KLF7: variants seen among roughly 807,000 people sequenced by gnomAD.
KLF7 encodes the protein Krueppel-like factor 7.
In KLF7, 2 loss-of-function variants were observed where a neutral mutation model predicts 27.3. The observed-to-expected ratio is 0.07, with a 90% CI of 0.03 to 0.23. KLF7 has a LOEUF of 0.23. Ranked by LOEUF, KLF7 falls within the 10% of genes least tolerant of loss-of-function variation. The pLI is 1.00. For synonymous variants in KLF7, 165 were observed against 162.4 expected (o/e 1.02, Z -0.12); for missense variants, 221 against 394.1 (o/e 0.56, Z 3.72).
At chr2:207,087,001 G>A (rs1043282197) in intron 3 of KLF7, among the ~76,000 whole-genome samples, 12 of 152,214 alleles carry the variant, frequency 7.9e-5, no homozygotes, top group Non-Finnish European at 1.5e-4. Context: ...GAGGCACAAA[G>A]CAGAGAAACT....
chr2:207,162,288 C>T (rs1021406705), intron 1 of KLF7, among the ~76,000 whole-genome samples: 2 of 152,204 alleles, frequency 1.3e-5, no homozygotes, highest in African/African-American at 4.8e-5. Context: ...TGACCTTTTC[C>T]TACTTTTGCT....
In KLF7 at chr2:207,165,893, G is replaced by T; in HGVS notation, c.-325C>A. 8.7e-7 allele frequency: 1 copy of T among 1,152,380 alleles called. No homozygotes were observed. The highest frequency in any genetic ancestry group is 1.1e-6 in the Non-Finnish European group (1 of 931,842). The allele number at this position is 1,152,380 out of a possible 1,614,324, so 71.4% of individuals were successfully genotyped here. Reference sequence around the variant, plus strand: ...CTAATCACTCCAGCTCGTGGATCAGGAAGGGGGATGCAAACTCACTGACAC... The same window carrying T: ...CTAATCACTCCAGCTCGTGGATCAGTAAGGGGGATGCAAACTCACTGACAC... On this transcript the variant is annotated 5_prime_UTR_variant, in exon 1 of 4. Coordinates refer to ENST00000309446, the MANE Select transcript of KLF7 (RefSeq NM_003709.4).
chr2:207,088,544 C>G lies in KLF7; in HGVS notation c.771G>C (p.Glu257Asp). The G allele has an allele frequency of 6.2e-7, 1 of 1,614,126 alleles. No individual in the cohort carries two copies. The highest frequency in any genetic ancestry group is 1.6e-4 in the Middle Eastern group (1 of 6,062). Residue 257 changes from glutamate (E) to aspartate (D), a missense_variant, in exon 3 of 4, where the codon GAG becomes GAC. Transcript: ENST00000309446. Reference protein sequence around the residue: ...KPYKCSWEGCEWRFARSDELT... With the variant: ...KPYKCSWEGCDWRFARSDELT... ...GCTCATCGCTTCGTGCAAAACGCCA[C>G]TCACATCCCTCCCATGAGCACTTAT...
At chr2:207,169,224 T>A (rs907673380), upstream of KLF7, among the ~76,000 whole-genome samples, 6 of 152,156 alleles carry the variant, frequency 3.9e-5, no homozygotes, top group Non-Finnish European at 7.3e-5. Context: ...TTGGAAGTAA[T>A]CCTATAGAAA....
At chr2:207,085,912 C>G (rs2076376816) in intron 3 of KLF7, among the ~76,000 whole-genome samples, 1 of 144,294 alleles carries the variant, frequency 6.9e-6, no homozygotes, top group Non-Finnish European at 1.5e-5. Flanking sequence ...CCACTGTGGC[C>G]AGATCTGATT....
intron 1 of KLF7, among the ~76,000 whole-genome samples, chr2:207,130,108 T>C (rs980335750): frequency 6.6e-6 from 1 of 150,550 alleles, no homozygotes; most frequent in Admixed American, 6.7e-5. Flanking sequence ...TCACATTGAC[T>C]ATTTCCCCTA....
intron 1 of KLF7, among the ~76,000 whole-genome samples, chr2:207,147,867 G>C (rs952700991): frequency 6.6e-6 from 1 of 152,168 alleles, no homozygotes; most frequent in African/African-American, 2.4e-5. Context: ...TGTAACATCA[G>C]CCAGTTCTTG....
At position 207,074,932 on chromosome 2, in the gene KLF7, C is replaced by T. The variant is rs1355138410; in HGVS notation, c.*6281G>A. 6.6e-6 allele frequency: 1 copy of T among 152,192 alleles called. No homozygotes were observed. Among genetic ancestry groups the T allele is most frequent in the Non-Finnish European group, 1.5e-5 (1 of 68,038 alleles). 9.4% of individuals were successfully genotyped at this position (152,192 alleles called of 1,614,324 possible). On this transcript the variant is annotated 3_prime_UTR_variant, in exon 4 of 4. Transcript: ENST00000309446. ...TATAAAATACACACATACGCACACA[C>T]ACACACAACTTCCCAAACGAAGATA...
rs143817187 is a variant in KLF7 at position 207,135,894 on chromosome 2, G to A, written c.103-11490C>T. 6.5e-3 allele frequency among the ~76,000 whole-genome samples: 995 copies of A among 152,224 alleles called. 7 individuals carry two copies. Among genetic ancestry groups the A allele is most frequent in the Non-Finnish European group, 8.5e-3 (581 of 68,014 alleles). On this transcript the variant is annotated intron_variant, in intron 1 of 3. Transcript: ENST00000309446. ...AACAGAGAGGCCAATTTAGCTTCAC[G>A]GGGTAGCCCTGAGAGTATGCACCTG... is the stretch of plus-strand genomic sequence containing the variant.
rs1347643776 is a variant in KLF7, at chr2:207,088,481, G to A, written c.834C>T (p.Pro278=). 1 of 1,613,836 alleles carries A rather than the reference G, an allele frequency of 6.2e-7. No individual in the cohort carries two copies. Among genetic ancestry groups the A allele is most frequent in the Middle Eastern group, 1.7e-4 (1 of 6,058 alleles). The change falls in exon 3 of 4, where the codon CCC becomes CCT. Residue 278 remains proline, a synonymous_variant. Transcript: ENST00000309446. ...RHYRKHTGAK[P]FKCNHCDRCF... is the part of the protein sequence containing the mutation. ...ACCTGTCGCAGTGGTTGCATTTGAAGGGCTTTGCACCTGTGTGTTTCCTGT... is the reference window on the plus strand; with the variant it reads ...ACCTGTCGCAGTGGTTGCATTTGAAAGGCTTTGCACCTGTGTGTTTCCTGT...
At chr2:207,143,735 C>T (rs2078011456) in intron 1 of KLF7, among the ~76,000 whole-genome samples, 2 of 152,158 alleles carry the variant, frequency 1.3e-5, no homozygotes, top group African/African-American at 2.4e-5. Context: ...GCGCCTTCAG[C>T]GAGGGCTCCA....
chr2:207,136,679 T>G (rs2077798782), intron 1 of KLF7, among the ~76,000 whole-genome samples: 1 of 152,196 alleles, frequency 6.6e-6, no homozygotes, highest in African/African-American at 2.4e-5. Context: ...AGGGATTTAG[T>G]GTATGTACCA....
At chr2:207,118,270 TA>T (rs1285879202) in intron 2 of KLF7, among the ~76,000 whole-genome samples, 4 of 152,046 alleles carry the variant, frequency 2.6e-5, no homozygotes, top group Non-Finnish European at 5.9e-5. Flanking sequence ...ACACTAACAT[TA>T]AAAAAAGTGA....
intron 1 of KLF7, among the ~76,000 whole-genome samples, chr2:207,126,177 C>CA (rs2077471722): frequency 6.6e-6 from 1 of 152,134 alleles, no homozygotes; most frequent in Non-Finnish European, 1.5e-5. Flanking sequence ...CTCCACTTCT[C>CA]AAAAATTTCC....
At chr2:207,132,564 T>A (rs2077665804) in intron 1 of KLF7, among the ~76,000 whole-genome samples, 1 of 152,132 alleles carries the variant, frequency 6.6e-6, no homozygotes, top group South Asian at 2.1e-4. Context: ...GAGACAAGAT[T>A]AAAGGCCTGG....
intron 1 of KLF7, among the ~76,000 whole-genome samples, chr2:207,150,547 G>A (rs2078214267): frequency 6.6e-6 from 1 of 152,238 alleles, no homozygotes; most frequent in South Asian, 2.1e-4. Flanking sequence ...GCATGTAACA[G>A]TTTACAAAGC....
intron 2 of KLF7, among the ~76,000 whole-genome samples, chr2:207,120,372 T>C (rs778920595): frequency 6.6e-6 from 1 of 152,256 alleles, no homozygotes; most frequent in African/African-American, 2.4e-5. Flanking sequence ...GTTACCAACA[T>C]GTATTGTCTT....
In KLF7 at chr2:207,150,375, T is replaced by A. The variant is rs542365642; in HGVS notation, c.102+15092A>T. Among the ~76,000 whole-genome samples, 142 of 152,198 alleles carry A rather than the reference T, an allele frequency of 9.3e-4. 1 individual carries two copies. Among genetic ancestry groups the A allele is most frequent in the Admixed American group, 2.9e-3 (45 of 15,292 alleles). ...ATTTTTCAAAGTACCACAATTAAGGTTCAAGTAACAGCCCCACTGGAACAA... is the reference window on the plus strand; with the variant it reads ...ATTTTTCAAAGTACCACAATTAAGGATCAAGTAACAGCCCCACTGGAACAA... On this transcript the variant is annotated intron_variant, in intron 1 of 3. Transcript: ENST00000309446.
intron 1 of KLF7, among the ~76,000 whole-genome samples, chr2:207,162,181 A>T (rs771800154): frequency 1.2e-4 from 19 of 152,182 alleles, no homozygotes; most frequent in Non-Finnish European, 2.1e-4. Context: ...AAAAAAAAAG[A>T]TTATGATTTC....
Sources: gnomAD v4.1 joint callset for allele counts (sites outside exome capture counted in the v4.1 genomes callset) on GRCh38, gnomAD v4.1.1 for gene constraint, MANE v1.5 for transcripts, NCBI Gene and HGNC (gene_info 2026-07-23, HGNC 2026-07-21) for gene names.